SLCO2A1: variants seen among roughly 807,000 people sequenced by gnomAD.
SLCO2A1 encodes the protein solute carrier organic anion transporter family member 2A1.
In SLCO2A1, 60 loss-of-function variants were observed where a neutral mutation model predicts 71.7. The ratio of observed to expected loss-of-function variants is 0.84; its 90% CI spans 0.68 to 1.04. The LOEUF (loss-of-function observed/expected upper bound fraction) is 1.04. Ranked by LOEUF, SLCO2A1 falls within the 50% of genes least tolerant of loss-of-function variation. The pLI, the probability that SLCO2A1 is intolerant of heterozygous loss-of-function variation, is 0.00. For synonymous variants in SLCO2A1, 308 were observed against 326.7 expected, an observed-to-expected ratio of 0.94 and a Z score of 0.62; for missense variants, 745 against 813.4, an observed-to-expected ratio of 0.92 and a Z score of 1.02.
At chr3:133,936,384 C>T (rs868764249) in intron 12 of SLCO2A1, among the ~76,000 whole-genome samples, 29 of 152,124 alleles carry the variant, frequency 1.9e-4, no homozygotes, top group African/African-American at 6.3e-4. Context: ...TATGGAGGTT[C>T]GAATCCCATG....
At chr3:134,003,940 GA>G (rs1396610442) in intron 1 of SLCO2A1, among the ~76,000 whole-genome samples, 7 of 152,210 alleles carry the variant, frequency 4.6e-5, no homozygotes, top group African/African-American at 1.4e-4. Context: ...GGGAAAAAAA[GA>G]GAGAGAAATT....
intron 2 of SLCO2A1, among the ~76,000 whole-genome samples, chr3:133,975,962 A>C (rs1286389903): frequency 1.3e-5 from 2 of 152,238 alleles, no homozygotes; most frequent in African/African-American, 4.8e-5. Context: ...CATAAATACT[A>C]TATTTATCCT....
chr3:133,934,577 A>C lies in SLCO2A1; in HGVS notation c.*136T>G. On this transcript the variant is annotated 3_prime_UTR_variant, in exon 14 of 14. Coordinates refer to ENST00000310926, the MANE Select transcript of SLCO2A1 (RefSeq NM_005630.3). ...GGACTCTGGGAGGAAGAGGTAGGGA[A>C]GGCAAATGAGGACTGGGGTTTTCTT... 1.6e-6 allele frequency: 1 copy of C among 641,332 alleles called. No individual in the cohort carries two copies. Among genetic ancestry groups the C allele is most frequent in the Non-Finnish European group, 2.7e-6 (1 of 366,866 alleles). 39.7% of individuals were successfully genotyped at this position (641,332 alleles called of 1,614,324 possible).
rs140511585 is a variant in SLCO2A1, at chr3:133,993,720, G to T, written c.97-14102C>A. On this transcript the variant is annotated intron_variant, in intron 1 of 13. Transcript: ENST00000310926. ...CTGGGAACTTGGCAGTAATTTGTTA[G>T]GTTGAAAAGAACCTGCTTTGCATCC... 3.2e-3 allele frequency among the ~76,000 whole-genome samples: 480 copies of T among 152,238 alleles called. 4 individuals are homozygous for T. Among genetic ancestry groups the T allele is most frequent in the East Asian group, 0.02 (103 of 5,182 alleles).
chr3:133,968,106 C>T (rs886874974), intron 3 of SLCO2A1, among the ~76,000 whole-genome samples: 2 of 145,344 alleles, frequency 1.4e-5, no homozygotes, highest in Non-Finnish European at 3.0e-5. Context: ...CCTCACCCCA[C>T]AACTCCACTC....
intron 1 of SLCO2A1, among the ~76,000 whole-genome samples, chr3:134,000,146 G>A (rs1935074138): frequency 6.6e-6 from 1 of 152,172 alleles, no homozygotes; most frequent in African/African-American, 2.4e-5. Flanking sequence ...AGAAGGGAGG[G>A]TGACATCAGG....
At chr3:134,018,402 G>T (rs185170158) in intron 1 of SLCO2A1, among the ~76,000 whole-genome samples, 1 of 152,266 alleles carries the variant, frequency 6.6e-6, no homozygotes, top group Admixed American at 6.5e-5. Flanking sequence ...CATTGCTGGG[G>T]GTCAGAAGCC....
At chr3:134,001,436 T>C (rs921144333) in intron 1 of SLCO2A1, among the ~76,000 whole-genome samples, 2 of 151,554 alleles carry the variant, frequency 1.3e-5, no homozygotes, top group African/African-American at 4.9e-5. Context: ...ATGGGAGGAG[T>C]CTGCTTTATC....
chr3:133,980,903 G>A (rs1181031783), intron 1 of SLCO2A1, among the ~76,000 whole-genome samples: 3 of 152,192 alleles, frequency 2.0e-5, no homozygotes, highest in Non-Finnish European at 4.4e-5. Context: ...CTGAACCTGT[G>A]TGGCCACCCC....
At chr3:133,984,741 C>T (rs1204484031) in intron 1 of SLCO2A1, among the ~76,000 whole-genome samples, 1 of 152,160 alleles carries the variant, frequency 6.6e-6, no homozygotes, top group Non-Finnish European at 1.5e-5. Context: ...AAAAGGTTTG[C>T]TAGTTGGGTT....
rs956284553 is a variant in SLCO2A1, at chr3:133,933,234, T to G, written c.*1479A>C. 7 of 152,210 alleles carry G rather than the reference T, an allele frequency of 4.6e-5. No individual in the cohort carries two copies. Among genetic ancestry groups the G allele is most frequent in the African/African-American group, 1.7e-4 (7 of 41,376 alleles). The allele number at this position is 152,210 out of a possible 1,614,324, so 9.4% of individuals were successfully genotyped here. A position where few individuals can be genotyped will look rare whatever the true frequency, so the allele number is the denominator to read the frequency against. On this transcript the variant is annotated 3_prime_UTR_variant, in exon 14 of 14. Coordinates refer to ENST00000310926, the MANE Select transcript of SLCO2A1 (RefSeq NM_005630.3). ...GGCAAAGGGCCAGGTGCAGAGTCAG[T>G]CTGGGGGCCATGGATGGCATGGATA...
chr3:134,014,308 G>T (rs1280352383), intron 1 of SLCO2A1, among the ~76,000 whole-genome samples: 2 of 152,138 alleles, frequency 1.3e-5, no homozygotes, highest in Non-Finnish European at 2.9e-5. Context: ...GTGTATCCAT[G>T]TGAGCCTCCA....
At chr3:134,010,615 A>G (rs1367117172) in intron 1 of SLCO2A1, among the ~76,000 whole-genome samples, 4 of 151,984 alleles carry the variant, frequency 2.6e-5, no homozygotes, top group East Asian at 3.9e-4. Flanking sequence ...TTAGCTGGGC[A>G]TGGTGGCACG....
intron 3 of SLCO2A1, among the ~76,000 whole-genome samples, chr3:133,966,455 C>G (rs1402715220): frequency 6.6e-6 from 1 of 152,124 alleles, no homozygotes; most frequent in Admixed American, 6.5e-5. Flanking sequence ...AGTATGGAGT[C>G]CCCTGCTCAC....
At chr3:134,006,706 G>A (rs1005654624) in intron 1 of SLCO2A1, among the ~76,000 whole-genome samples, 3 of 152,056 alleles carry the variant, frequency 2.0e-5, no homozygotes, top group African/African-American at 7.2e-5. Context: ...TACACATTTT[G>A]TTTATCCATT....
At chr3:134,004,093 CGTGTGTGTGTGTGTGTGTGTGTGT>C in intron 1 of SLCO2A1, among the ~76,000 whole-genome samples, 2 of 149,624 alleles carry the variant, frequency 1.3e-5, no homozygotes, top group South Asian at 4.3e-4. Context: ...TGAATCTCTT[CGTGTGTGTGTGTGTGTGTGTGTGT>C]GTGTGTGTGT....
chr3:133,981,621 G>C (rs1462056858), intron 1 of SLCO2A1, among the ~76,000 whole-genome samples: 1 of 152,146 alleles, frequency 6.6e-6, no homozygotes, highest in Non-Finnish European at 1.5e-5. Flanking sequence ...CCAGTCACCG[G>C]ACTAGAAGAC....
intron 1 of SLCO2A1, among the ~76,000 whole-genome samples, chr3:134,011,626 G>A (rs533207489): frequency 6.6e-6 from 1 of 152,334 alleles, no homozygotes; most frequent in South Asian, 2.1e-4. Context: ...ACCCTGCGGG[G>A]TGCAGCCCTG....
chr3:133,973,751 G>C lies in SLCO2A1; in HGVS notation c.309C>G (p.Ile103Met). ...CACCTGCAGCCAGGAAGAGACCTCC[G>C]ATGCCAATCAGACGTGGACGGTGCA... ...SRVHRPRLIGIGGLFLAAGAF... is the reference protein window; with the variant it reads ...SRVHRPRLIGMGGLFLAAGAF... Residue 103 changes from isoleucine to methionine, a missense_variant, in exon 3 of 14, where the codon ATC (isoleucine) becomes ATG (methionine). Physicochemically the swap from Ile to Met is conservative, Grantham distance 10. Coordinates refer to ENST00000310926, the MANE Select transcript of SLCO2A1 (RefSeq NM_005630.3). 1 of 1,614,084 alleles carries C rather than the reference G, an allele frequency of 6.2e-7. No homozygotes were observed. The highest frequency in any genetic ancestry group is 8.5e-7 in the Non-Finnish European group (1 of 1,180,014).
Sources: gnomAD v4.1 joint callset for allele counts (sites outside exome capture counted in the v4.1 genomes callset) on GRCh38, gnomAD v4.1.1 for gene constraint, MANE v1.5 for transcripts, NCBI Gene and HGNC (gene_info 2026-07-23, HGNC 2026-07-21) for gene names.